TBC1D19: variants seen among roughly 807,000 people sequenced by gnomAD.
The protein encoded by TBC1D19 is TBC1 domain family member 19.
In TBC1D19, 60 loss-of-function variants were observed where a neutral mutation model predicts 89.0. The ratio of observed to expected loss-of-function variants is 0.67; its 90% CI spans 0.55 to 0.84. The LOEUF (loss-of-function observed/expected upper bound fraction) is 0.84. TBC1D19 is among the 40% of genes least tolerant of loss of function. The pLI is 0.00. For missense variants in TBC1D19, 500 were observed against 610.8 expected, an observed-to-expected ratio of 0.82 and a Z score of 1.91; for synonymous variants, 189 against 199.7, an observed-to-expected ratio of 0.95 and a Z score of 0.45.
chr4:26,828,766 G>A, the TBC1D19 span, among the ~76,000 whole-genome samples: 1 of 152,186 alleles, frequency 6.6e-6, no homozygotes, highest in Non-Finnish European at 1.5e-5. Flanking sequence ...AGGAAACCCT[G>A]ATAAATTAAC....
intron 19 of TBC1D19, among the ~76,000 whole-genome samples, chr4:26,753,271 C>A (rs191112383): frequency 1.2e-3 from 181 of 152,292 alleles, no homozygotes; most frequent in Non-Finnish European, 1.9e-3. Flanking sequence ...CTCTGTATAA[C>A]GTTTCAGAAG....
intron 7 of TBC1D19, among the ~76,000 whole-genome samples, chr4:26,652,179 T>G (rs921543429): frequency 4.6e-5 from 7 of 152,088 alleles, no homozygotes; most frequent in Non-Finnish European, 8.8e-5. Context: ...ATTCTCTTTT[T>G]TTGTTGTGTC....
At chr4:26,683,208 G>A (rs911373269) in intron 11 of TBC1D19, among the ~76,000 whole-genome samples, 2 of 152,152 alleles carry the variant, frequency 1.3e-5, no homozygotes, top group Non-Finnish European at 2.9e-5. Flanking sequence ...TGTATAGGTT[G>A]TGGGGCCAGG....
At chr4:26,849,391 C>T in the TBC1D19 span, among the ~76,000 whole-genome samples, 1 of 152,124 alleles carries the variant, frequency 6.6e-6, no homozygotes, top group African/African-American at 2.4e-5. Flanking sequence ...ATTAGGATAT[C>T]TTTCCTTCTT....
At position 26,719,963 on chromosome 4, in the gene TBC1D19, A is replaced by T. The variant is rs1716870823; in HGVS notation, c.1040-118A>T. 11 of 672,346 alleles carry T rather than the reference A, an allele frequency of 1.6e-5. 1 individual carries two copies. In the South Asian group the frequency reaches 3.6e-4, roughly 22 times the overall value. 41.6% of individuals were successfully genotyped at this position (672,346 alleles called of 1,614,324 possible). A position where few individuals can be genotyped will look rare whatever the true frequency, so the allele number is the denominator to read the frequency against. Reference sequence around the variant, plus strand: ...TAAGTTAATTTCATATCATGAAATGACATATCAGTTTATAGTAGTTTTTAA... The same window carrying T: ...TAAGTTAATTTCATATCATGAAATGTCATATCAGTTTATAGTAGTTTTTAA... On this transcript the variant is annotated intron_variant, in intron 14 of 20. Coordinates refer to ENST00000264866, the MANE Select transcript of TBC1D19 (RefSeq NM_018317.4).
the TBC1D19 span, among the ~76,000 whole-genome samples, chr4:26,827,759 AGAATGCAG>A: frequency 6.8e-6 from 1 of 147,566 alleles, no homozygotes; most frequent in Non-Finnish European, 1.5e-5. Context: ...CACTCAGGCT[AGAATGCAG>A]TGCCTATTTA....
chr4:26,667,988 C>G (rs563840272), intron 9 of TBC1D19, among the ~76,000 whole-genome samples: 72 of 151,890 alleles, frequency 4.7e-4, no homozygotes, highest in Admixed American at 1.7e-3. Flanking sequence ...GGATTATTAT[C>G]TCCATATTAA....
At chr4:26,723,317 C>A (rs181916839) in intron 15 of TBC1D19, among the ~76,000 whole-genome samples, 86 of 152,144 alleles carry the variant, frequency 5.7e-4, no homozygotes, top group African/African-American at 2.0e-3. Context: ...ATATTACCCA[C>A]CCTGTTTTGA....
Position 26,688,402 on chromosome 4 carries a change from T to C in TBC1D19, c.949T>C (p.Tyr317His). The C allele has an allele frequency of 6.4e-7, 1 of 1,561,538 alleles. No individual in the cohort carries two copies. Among genetic ancestry groups the C allele is most frequent in the Non-Finnish European group, 8.7e-7 (1 of 1,149,630 alleles). The change falls in exon 13 of 21, where the codon TAT becomes CAT. Residue 317 changes from tyrosine (Y) to histidine (H), a missense_variant. This residue lies in a region of TBC1D19 where 220 missense variants were observed against 319.1 expected (regional missense o/e 0.69). Coordinates refer to ENST00000264866, the MANE Select transcript of TBC1D19 (RefSeq NM_018317.4). Reference protein sequence around the residue: ...DYYFVFEDYLYQVLLCFSRDT... With the variant: ...DYYFVFEDYLHQVLLCFSRDT... ...TTATTTTGTATTTGAAGATTATTTA[T>C]ATCAGGTAAGTTTAAAAATAAAAAT...
the TBC1D19 span, among the ~76,000 whole-genome samples, chr4:26,767,564 C>G: frequency 6.6e-6 from 1 of 152,126 alleles, no homozygotes; most frequent in Non-Finnish European, 1.5e-5. Context: ...TCTTCTCACA[C>G]ACAAAGAGGA....
intron 1 of TBC1D19, among the ~76,000 whole-genome samples, chr4:26,590,868 C>G: frequency 8.9e-6 from 1 of 112,110 alleles, no homozygotes; most frequent in South Asian, 3.2e-4. Flanking sequence ...CTAGGCTGGT[C>G]TCAAGCTCCT....
At chr4:26,812,731 A>G in the TBC1D19 span, among the ~76,000 whole-genome samples, 1 of 151,772 alleles carries the variant, frequency 6.6e-6, no homozygotes, top group Admixed American at 6.6e-5. This position sits in a 1 kb window ranked among gnomAD's most constrained non-coding sequence, Gnocchi z 4.2. Context: ...TATATAAGGT[A>G]AATTACCCAT....
chr4:26,750,031 C>G (rs1333151903), intron 19 of TBC1D19, among the ~76,000 whole-genome samples: 1 of 152,158 alleles, frequency 6.6e-6, no homozygotes, highest in East Asian at 1.9e-4. Flanking sequence ...TGTTCACAAG[C>G]CTTTCTTATC....
chr4:26,674,851 T>C (rs1016977406), intron 11 of TBC1D19, among the ~76,000 whole-genome samples: 71 of 152,138 alleles, frequency 4.7e-4, no homozygotes, highest in African/African-American at 1.7e-3. Flanking sequence ...TAATTAATAA[T>C]GATGTTTTTA....
At chr4:26,731,200 A>G (rs10939135) in intron 15 of TBC1D19, among the ~76,000 whole-genome samples, 69,432 of 151,988 alleles carry the variant, frequency 0.46, 17,636 homozygotes, top group Admixed American at 0.6. Context: ...GGGAGGGATC[A>G]AGGCTATCAG....
intron 15 of TBC1D19, among the ~76,000 whole-genome samples, chr4:26,721,862 T>C (rs918100224): frequency 1.3e-5 from 2 of 152,192 alleles, no homozygotes; most frequent in African/African-American, 4.8e-5. Context: ...ACTTCTCATG[T>C]TTCCATGCTT....
At chr4:26,726,384 A>G (rs1271084489) in intron 15 of TBC1D19, among the ~76,000 whole-genome samples, 3 of 152,176 alleles carry the variant, frequency 2.0e-5, no homozygotes, top group African/African-American at 7.2e-5. Flanking sequence ...TGTCATCCAT[A>G]TTAATTAAAT....
chr4:26,605,136 C>T (rs976458729), intron 1 of TBC1D19, among the ~76,000 whole-genome samples: 1 of 151,306 alleles, frequency 6.6e-6, no homozygotes, highest in Non-Finnish European at 1.5e-5. Flanking sequence ...ATGTGCCATG[C>T]TGGTGTGCTG....
At chr4:26,745,700 C>T (rs553948345) in intron 18 of TBC1D19, among the ~76,000 whole-genome samples, 76 of 151,200 alleles carry the variant, frequency 5.0e-4, no homozygotes, top group African/African-American at 1.3e-3. Flanking sequence ...TTAGTAGAGA[C>T]GGGGTTTCAC....
Sources: gnomAD v4.1 joint callset for allele counts (sites outside exome capture counted in the v4.1 genomes callset) on GRCh38, gnomAD v4.1.1 for gene constraint, gnomAD v4.1.1 regional missense constraint, Gnocchi (gnomAD v3.1) non-coding constraint, MANE v1.5 for transcripts, NCBI Gene and HGNC (gene_info 2026-07-23, HGNC 2026-07-21) for gene names.